Variants in PUS7 observed in about 807,000 individuals in gnomAD.
PUS7 encodes pseudouridine synthase 7.
Under a neutral mutation model 79.8 loss-of-function variants are expected in PUS7, and 48 were observed. That is an observed-to-expected ratio of 0.60 (90% confidence interval 0.48 to 0.76). PUS7 has a LOEUF of 0.76. PUS7 is among the 30% of genes least tolerant of loss of function. PUS7 has a pLI of 0.00. For missense variants in PUS7, 729 were observed against 797.6 expected, an observed-to-expected ratio of 0.91 and a Z score of 1.04; for synonymous variants, 286 against 272.2, an observed-to-expected ratio of 1.05 and a Z score of -0.50.
intron 1 of PUS7, among the ~76,000 whole-genome samples, chr7:105,515,439 T>A (rs1198843408): frequency 6.6e-6 from 1 of 152,216 alleles, no homozygotes; most frequent in Non-Finnish European, 1.5e-5. Context: ...TACTAGATTC[T>A]GACGTTTTTG....
Position 105,522,211 on chromosome 7 carries a change from G to C in PUS7, c.-192C>G, listed in dbSNP as rs1044369123. The C allele has an allele frequency of 6.6e-6, 1 of 151,862 alleles. No homozygotes were observed. The highest frequency in any genetic ancestry group is 1.5e-5 in the Non-Finnish European group (1 of 67,952). The allele number at this position is 151,862 out of a possible 1,614,324, so 9.4% of individuals were successfully genotyped here. ...CGCGCGGAGGACCAGATGCGCTCCA[G>C]CCGACTCACCGGCGGCCGGGCTCGC... is the stretch of plus-strand genomic sequence containing the variant. On this transcript the variant is annotated 5_prime_UTR_variant, in exon 1 of 16. Transcript: ENST00000469408.
At chr7:105,482,475 AAG>A (rs755112918) in intron 7 of PUS7, 35 bp from the exon 8 acceptor site, 22 of 1,551,160 alleles carry the variant, frequency 1.4e-5, no homozygotes. Context: ...CAAAACAAAA[AAG>A]AGTAGAAAGA....
intron 1 of PUS7, among the ~76,000 whole-genome samples, chr7:105,521,776 G>C (rs1826125271): frequency 6.6e-6 from 1 of 152,118 alleles, no homozygotes. Flanking sequence ...GCTCGGGCGC[G>C]GCGCCTCCGG....
intron 4 of PUS7, among the ~76,000 whole-genome samples, chr7:105,504,831 T>C (rs565855695): frequency 1.1e-4 from 17 of 152,128 alleles, no homozygotes; most frequent in African/African-American, 3.6e-4. Context: ...ATTTCTAACA[T>C]TGCAATACCA....
intron 9 of PUS7, among the ~76,000 whole-genome samples, chr7:105,473,591 G>C (rs1329339270): frequency 6.6e-6 from 1 of 152,022 alleles, no homozygotes; most frequent in Non-Finnish European, 1.5e-5. Context: ...GCCAATTTTT[G>C]TATTTTTAGT....
At chr7:105,496,257 A>AGAGG (rs1554348812) in intron 5 of PUS7, among the ~76,000 whole-genome samples, 304 of 4,574 alleles carry the variant, frequency 0.066, 6 homozygotes, top group African/African-American at 0.14. Flanking sequence ...AGAGAGAGGG[A>AGAGG]GAGACACATA....
intron 5 of PUS7, among the ~76,000 whole-genome samples, chr7:105,501,954 C>CAA (rs1260361044): frequency 8.0e-5 from 10 of 124,266 alleles, no homozygotes; most frequent in African/African-American, 2.5e-4. Context: ...GACTCCGTCT[C>CAA]AAAAAAAAAA....
In PUS7 at chr7:105,458,269, A is replaced by AT. The variant is rs963002362; in HGVS notation, c.1850-344dup. 4.0e-5 allele frequency among the ~76,000 whole-genome samples: 6 copies of AT among 151,610 alleles called. No individual in the cohort carries two copies. In the East Asian group the frequency reaches 9.7e-4, roughly 24 times the overall value. On this transcript the variant is annotated intron_variant, in intron 15 of 15. Coordinates refer to ENST00000469408, the MANE Select transcript of PUS7 (RefSeq NM_019042.5). ...GAATGCCAATTTAATTAATTAATTA[A>AT]TTTTTTTTTGAGACAGAGTCTTGTT...
chr7:105,459,161 A>T lies in PUS7; in HGVS notation c.1849+7T>A. The T allele has an allele frequency of 6.3e-7, 1 of 1,586,430 alleles. No homozygotes were observed. The highest frequency in any genetic ancestry group is 8.6e-7 in the Non-Finnish European group (1 of 1,160,510). ...TCAACACAGAGCTGATGACTGAGTA[A>T]ACTTACCAGAAGCAAAAACTGGTGG... On this transcript the variant is annotated splice_region_variant and intron_variant, in intron 15 of 15. Coordinates refer to ENST00000469408, the MANE Select transcript of PUS7 (RefSeq NM_019042.5).
intron 2 of PUS7, among the ~76,000 whole-genome samples, chr7:105,507,631 T>C (rs2697019): frequency 0.13 from 19,243 of 151,958 alleles, 1,690 homozygotes; most frequent in African/African-American, 0.25. Flanking sequence ...AACCTCCACC[T>C]CCCAGGTTCA....
intron 1 of PUS7, among the ~76,000 whole-genome samples, chr7:105,510,174 C>T (rs1825648006): frequency 6.6e-6 from 1 of 151,982 alleles, no homozygotes; most frequent in African/African-American, 2.4e-5. Context: ...GTGGCACATG[C>T]CTGTAATCCC....
intron 5 of PUS7, among the ~76,000 whole-genome samples, chr7:105,496,220 TATATATAGAGAG>T (rs1323385619): frequency 6.0e-5 from 5 of 83,290 alleles, no homozygotes; most frequent in African/African-American, 2.0e-4. Flanking sequence ...TATATATATA[TATATATAGAGAG>T]AGAGAGAGAG....
intron 1 of PUS7, among the ~76,000 whole-genome samples, chr7:105,520,562 A>AT (rs1293463919): frequency 7.5e-6 from 1 of 134,152 alleles, no homozygotes; most frequent in African/African-American, 2.6e-5. Context: ...AAATAAATAA[A>AT]AATACAAAAA....
At chr7:105,480,658 C>T (rs1442344288) in intron 9 of PUS7, among the ~76,000 whole-genome samples, 1 of 152,040 alleles carries the variant, frequency 6.6e-6, no homozygotes, top group African/African-American at 2.4e-5. Context: ...TGCCTGTAAA[C>T]CCAGCTACTC....
In PUS7 at chr7:105,465,404, G is replaced by GGTGGCT; in HGVS notation, c.1530_1535dup (p.Ala511_Thr512dup). 3 of 1,609,098 alleles carry GGTGGCT rather than the reference G, an allele frequency of 1.9e-6. No homozygotes were observed. The highest frequency in any genetic ancestry group is 2.2e-5 in the South Asian group (2 of 90,546). On this transcript the variant is annotated inframe_insertion, in exon 13 of 16. Transcript: ENST00000469408. Reference sequence around the variant, plus strand: ...TATTAACATCATCTTCCTCAATATAGGTGGCTGTGGCTGTAAATTCACAAG... The same window carrying GGTGGCT: ...TATTAACATCATCTTCCTCAATATAGGTGGCTGTGGCTGTGGCTGTAAATTCACAAG...
rs1169907996 is a variant in PUS7 at position 105,522,215 on chromosome 7, A to T, written c.-196T>A. ...CGGAGGACCAGATGCGCTCCAGCCG[A>T]CTCACCGGCGGCCGGGCTCGCACAC... On this transcript the variant is annotated 5_prime_UTR_variant, in exon 1 of 16. Coordinates refer to ENST00000469408, the MANE Select transcript of PUS7 (RefSeq NM_019042.5). 3 of 151,300 alleles carry T rather than the reference A, an allele frequency of 2.0e-5. No individual in the cohort carries two copies. The highest frequency in any genetic ancestry group is 2.9e-5 in the Non-Finnish European group (2 of 67,814). 9.4% of individuals were successfully genotyped at this position (151,300 alleles called of 1,614,324 possible). A position where few individuals can be genotyped will look rare whatever the true frequency, so the allele number is the denominator to read the frequency against.
intron 6 of PUS7, among the ~76,000 whole-genome samples, chr7:105,492,632 A>C (rs1229314340): frequency 1.3e-5 from 2 of 149,224 alleles, no homozygotes; most frequent in African/African-American, 4.9e-5. Context: ...CAGCCTCCCA[A>C]GTAGCTGGGA....
intron 1 of PUS7, among the ~76,000 whole-genome samples, chr7:105,512,093 C>G (rs117426195): frequency 0.087 from 11,302 of 130,100 alleles, 475 homozygotes; most frequent in East Asian, 0.14. Context: ...TGCAGTGAGT[C>G]GGGACTGCAC....
At chr7:105,500,791 C>A (rs1825215811) in intron 5 of PUS7, among the ~76,000 whole-genome samples, 1 of 152,228 alleles carries the variant, frequency 6.6e-6, no homozygotes. Context: ...TGGCTCCAAT[C>A]ACTTTCCACT....
Sources: allele counts gnomAD v4.1 joint callset (sites outside exome capture counted in the v4.1 genomes callset), GRCh38; gene constraint gnomAD v4.1.1; transcripts MANE v1.5; gene names NCBI Gene and HGNC (gene_info 2026-07-23, HGNC 2026-07-21).